CENPK: variants seen among roughly 807,000 people sequenced by gnomAD.
CENPK encodes the protein centromere protein K, also known as SoxLZ/Sox6-binding protein Solt.
CENPK carries 46 observed loss-of-function variants against 40.9 expected under a neutral mutation model. The ratio of observed to expected loss-of-function variants is 1.13; its 90% CI spans 0.89 to 1.44. CENPK has a LOEUF of 1.44. Ranked by LOEUF, CENPK falls within the 40% of genes most tolerant of loss-of-function variation. The probability of loss-of-function intolerance (pLI) is 0.00; values close to 1 mark genes in which losing one functional copy is unlikely to be tolerated. For synonymous variants in CENPK, 107 were observed against 104.4 expected (o/e 1.02, Z -0.15); for missense variants, 288 against 303.5 (o/e 0.95, Z 0.38).
downstream of CENPK, among the ~76,000 whole-genome samples, chr5:65,514,661 T>C (rs1174778714): frequency 2.0e-5 from 3 of 152,206 alleles, no homozygotes; most frequent in Non-Finnish European, 4.4e-5. Flanking sequence ...ACTTTCTCTT[T>C]GAATGGTAGA....
chr5:65,529,467 TAA>T (rs1745335337), intron 6 of CENPK: 4 of 308,718 alleles, frequency 1.3e-5, no homozygotes, highest in Non-Finnish European at 2.4e-5. Context: ...TTTTCAGTAA[TAA>T]GAGAGTAGGT....
chr5:65,518,353 A>G lies in CENPK; in HGVS notation c.*122T>C. 1.1e-6 allele frequency: 1 copy of G among 921,380 alleles called. No individual in the cohort carries two copies. Among genetic ancestry groups the G allele is most frequent in the Non-Finnish European group, 1.6e-6 (1 of 611,744 alleles). 57.1% of individuals were successfully genotyped at this position (921,380 alleles called of 1,614,324 possible). ...AGATGGCAGCACATGCCATTTTGCA[A>G]TAAAAGTAAGATGGCCTATGCGCAT... On this transcript the variant is annotated 3_prime_UTR_variant, in exon 11 of 11. Coordinates refer to ENST00000396679, the MANE Select transcript of CENPK (RefSeq NM_022145.5).
chr5:65,497,747 G>A, the CENPK span, among the ~76,000 whole-genome samples: 1 of 152,218 alleles, frequency 6.6e-6, no homozygotes, highest in Non-Finnish European at 1.5e-5. Context: ...GCTCACGCCT[G>A]TAATTCCAGC....
chr5:65,508,046 A>C, the CENPK span, among the ~76,000 whole-genome samples: 2 of 152,202 alleles, frequency 1.3e-5, no homozygotes, highest in Admixed American at 6.5e-5. Context: ...AGATATTTTG[A>C]TTATTGAGAC....
chr5:65,498,346 T>C, the CENPK span, among the ~76,000 whole-genome samples: 26 of 152,106 alleles, frequency 1.7e-4, no homozygotes, highest in Non-Finnish European at 2.9e-4. Context: ...ATTGCTTTAT[T>C]TATTACATTT....
intron 6 of CENPK, among the ~76,000 whole-genome samples, chr5:65,532,169 C>T (rs78899905): frequency 0.051 from 7,720 of 152,048 alleles, 283 homozygotes; most frequent in Admixed American, 0.11. Context: ...ACATAAACTA[C>T]CAAAGCTCAT....
intron 2 of CENPK, chr5:65,555,343 G>C (rs1037141573): frequency 1.9e-5 from 3 of 156,980 alleles, no homozygotes; most frequent in Middle Eastern, 3.3e-3. Flanking sequence ...AAGTGCAAAG[G>C]CCTTGATGCA....
At chr5:65,559,260 T>C (rs896412986) in intron 2 of CENPK, among the ~76,000 whole-genome samples, 1 of 152,232 alleles carries the variant, frequency 6.6e-6, no homozygotes, top group African/African-American at 2.4e-5. Context: ...CTCCCCCAAG[T>C]TGAGCTACTG....
intron 5 of CENPK, among the ~76,000 whole-genome samples, chr5:65,544,300 T>A (rs991319302): frequency 1.3e-5 from 2 of 152,156 alleles, no homozygotes; most frequent in Non-Finnish European, 2.9e-5. Context: ...TTTAACACTA[T>A]CATAATGGTG....
Position 65,518,371 on chromosome 5 carries a change from A to G in CENPK, c.*104T>C. ...TTTTGCAATAAAAGTAAGATGGCCT[A>G]TGCGCATTAATTTGCAAATAATGTT... On this transcript the variant is annotated 3_prime_UTR_variant, in exon 11 of 11. Transcript: ENST00000396679. The G allele has an allele frequency of 9.0e-7, 1 of 1,105,506 alleles. No individual in the cohort carries two copies. The highest frequency in any genetic ancestry group is 1.3e-6 in the Non-Finnish European group (1 of 759,326). The allele number at this position is 1,105,506 out of a possible 1,614,324, so 68.5% of individuals were successfully genotyped here. A position where few individuals can be genotyped will look rare whatever the true frequency, so the allele number is the denominator to read the frequency against.
At chr5:65,552,441 A>C (rs909219818) in intron 4 of CENPK, 52 bp downstream of exon 4, 3 of 1,182,676 alleles carry the variant, frequency 2.5e-6, no homozygotes, top group Non-Finnish European at 3.6e-6. Context: ...ATTTTCCAAA[A>C]TACAATTAAT....
At chr5:65,516,942 T>C (rs962199516), downstream of CENPK, among the ~76,000 whole-genome samples, 8 of 151,702 alleles carry the variant, frequency 5.3e-5, no homozygotes, top group African/African-American at 1.9e-4. Flanking sequence ...AGCATAAGGA[T>C]TACTTTTTTT....
intron 3 of CENPK, among the ~76,000 whole-genome samples, chr5:65,553,997 TCTC>T (rs1750566916): frequency 6.6e-6 from 1 of 152,208 alleles, no homozygotes; most frequent in Admixed American, 6.5e-5. Context: ...CAGAAGTCCT[TCTC>T]CTAATTTACA....
At chr5:65,558,155 C>A (rs780115428) in intron 2 of CENPK, among the ~76,000 whole-genome samples, 2 of 152,092 alleles carry the variant, frequency 1.3e-5, no homozygotes, top group African/African-American at 4.8e-5. Flanking sequence ...AAAGAAAACA[C>A]ACACACACAC....
the CENPK span, among the ~76,000 whole-genome samples, chr5:65,500,431 AT>A: frequency 7.0e-6 from 1 of 142,576 alleles, no homozygotes; most frequent in Non-Finnish European, 1.5e-5. Flanking sequence ...GATGATGAGC[AT>A]TTCTTCATGT....
At chr5:65,513,100 T>C (rs1178492283), downstream of CENPK, among the ~76,000 whole-genome samples, 1 of 152,166 alleles carries the variant, frequency 6.6e-6, no homozygotes, top group Non-Finnish European at 1.5e-5. Flanking sequence ...TTTTGCAAAG[T>C]TTTTATCCCA....
chr5:65,520,998 C>T (rs786533), intron 10 of CENPK, among the ~76,000 whole-genome samples: 61,807 of 151,878 alleles, frequency 0.41, 12,929 homozygotes, highest in East Asian at 0.65. Flanking sequence ...AGTACTTACA[C>T]TGTAAGAAAA....
At chr5:65,562,582 G>C (rs1031206598) in intron 1 of CENPK, among the ~76,000 whole-genome samples, 4 of 152,130 alleles carry the variant, frequency 2.6e-5, no homozygotes, top group Non-Finnish European at 5.9e-5. Flanking sequence ...TTTTAAAAAA[G>C]AGATTAAGAT....
At chr5:65,549,144 T>C (rs1224769874) in intron 5 of CENPK, among the ~76,000 whole-genome samples, 2 of 152,230 alleles carry the variant, frequency 1.3e-5, no homozygotes, top group Non-Finnish European at 2.9e-5. Context: ...ATTAAATTCC[T>C]TGTACATCAC....
Sources: gnomAD v4.1 joint callset for allele counts (sites outside exome capture counted in the v4.1 genomes callset) on GRCh38, gnomAD v4.1.1 for gene constraint, MANE v1.5 for transcripts, NCBI Gene and HGNC (gene_info 2026-07-23, HGNC 2026-07-21) for gene names.